TRPM8: variants seen among roughly 807,000 people sequenced by gnomAD.
TRPM8 encodes the protein TRPM8 cationic channel.
TRPM8 carries 110 observed loss-of-function variants against 133.7 expected under a neutral mutation model. The observed-to-expected ratio is 0.82, with a 90% confidence interval of 0.70 to 0.96. TRPM8 has a LOEUF of 0.96. Among genes scored for constraint, TRPM8 ranks in the 40% least tolerant of loss-of-function variants. The pLI is 0.00. For synonymous variants in TRPM8, 535 were observed against 532.3 expected (o/e 1.01, Z -0.07); for missense variants, 1,291 against 1,379.5 (o/e 0.94, Z 1.02).
At chr2:233,949,069 C>A (rs1322788767) in intron 8 of TRPM8, among the ~76,000 whole-genome samples, 1 of 152,090 alleles carries the variant, frequency 6.6e-6, no homozygotes, top group Non-Finnish European at 1.5e-5. Context: ...AGAAAATACC[C>A]AGTTGGTGCC....
At chr2:233,937,129 C>G (rs1690767773) in intron 3 of TRPM8, among the ~76,000 whole-genome samples, 1 of 152,104 alleles carries the variant, frequency 6.6e-6, no homozygotes, top group Non-Finnish European at 1.5e-5. Context: ...ATCCTGACCT[C>G]AAGTTATCCG....
intron 3 of TRPM8, chr2:233,933,693 A>T (rs1357038825): frequency 6.5e-6 from 1 of 153,076 alleles, no homozygotes; most frequent in East Asian, 1.9e-4. Context: ...AGGGCCCAAC[A>T]GTTTGTTTTC....
intron 17 of TRPM8, among the ~76,000 whole-genome samples, chr2:233,971,601 G>A (rs374679275): frequency 2.6e-5 from 4 of 152,228 alleles, no homozygotes; most frequent in African/African-American, 7.2e-5. Context: ...ATGAAGCCGC[G>A]GACCCTTGCG....
intron 14 of TRPM8, chr2:233,965,883 T>G (rs1204688738): frequency 6.6e-6 from 1 of 151,578 alleles, no homozygotes; most frequent in Non-Finnish European, 1.5e-5. Flanking sequence ...AGTTTCGCTC[T>G]TGTTGCCCAG....
At chr2:233,982,452 CCT>C (rs1430844302) in intron 19 of TRPM8, among the ~76,000 whole-genome samples, 4 of 152,004 alleles carry the variant, frequency 2.6e-5, no homozygotes, top group Non-Finnish European at 5.9e-5. Flanking sequence ...CCAAACCTCC[CCT>C]GTTTCTGTCT....
intron 1 of TRPM8, among the ~76,000 whole-genome samples, chr2:233,920,916 G>A (rs993395707): frequency 2.0e-5 from 3 of 150,142 alleles, no homozygotes; most frequent in South Asian, 2.1e-4. Flanking sequence ...GAGTGCAATG[G>A]TGTGATCTTG....
intron 1 of TRPM8, among the ~76,000 whole-genome samples, chr2:233,921,861 T>A (rs1047303611): frequency 6.6e-6 from 1 of 151,860 alleles, no homozygotes; most frequent in Admixed American, 6.6e-5. Flanking sequence ...TTAGTAGAGA[T>A]GGGATTTCGC....
intron 11 of TRPM8, among the ~76,000 whole-genome samples, chr2:233,959,175 G>A (rs906500156): frequency 4.6e-5 from 7 of 151,582 alleles, no homozygotes; most frequent in African/African-American, 9.7e-5. Flanking sequence ...ACAGGCGTGC[G>A]CCACCACGCC....
Position 233,937,336 on chromosome 2 carries a change from A to T in TRPM8, c.192-17A>T, listed in dbSNP as rs1690778071. The T allele has an allele frequency of 6.2e-6, 10 of 1,613,432 alleles. No homozygotes were observed. Among genetic ancestry groups the T allele is most frequent in the Non-Finnish European group, 8.5e-6 (10 of 1,179,812 alleles). On this transcript the variant is annotated splice_polypyrimidine_tract_variant and intron_variant, in intron 3 of 25. Transcript: ENST00000324695. ...AATGAAATCCTTCCTTCCTGTCCAC[A>T]CCATCGTGCTTATCAGGGAGAATGT...
chr2:233,965,440 A>G (rs1339163886), intron 14 of TRPM8, among the ~76,000 whole-genome samples: 2 of 152,198 alleles, frequency 1.3e-5, no homozygotes, highest in African/African-American at 2.4e-5. Flanking sequence ...TCAGTCCTCG[A>G]ACAAAGCTTG....
intron 24 of TRPM8, among the ~76,000 whole-genome samples, chr2:234,011,498 A>G (rs1385011561): frequency 6.6e-6 from 1 of 152,200 alleles, no homozygotes; most frequent in African/African-American, 2.4e-5. Context: ...CTTTAAAAAA[A>G]AAGCTCATGG....
chr2:233,939,373 C>T (rs1690847227), intron 5 of TRPM8, among the ~76,000 whole-genome samples, 198 bp downstream of exon 5: 2 of 152,226 alleles, frequency 1.3e-5, no homozygotes, highest in Admixed American at 6.5e-5. Context: ...GAGCTTCACA[C>T]AGTAACTCTA....
At chr2:233,932,758 T>G (rs950147849) in intron 3 of TRPM8, among the ~76,000 whole-genome samples, 2 of 151,856 alleles carry the variant, frequency 1.3e-5, no homozygotes, top group African/African-American at 4.8e-5. Context: ...GGATGCAGGA[T>G]TCTATAATCT....
intron 6 of TRPM8, 142 bp from the exon 7 acceptor site, chr2:233,945,714 A>T (rs1691024412): frequency 1.5e-6 from 1 of 646,196 alleles, no homozygotes; most frequent in Non-Finnish European, 2.6e-6. Flanking sequence ...GATCGCTAAG[A>T]CCCCTCTGGA....
At chr2:233,931,229 C>G (rs1390735200) in intron 3 of TRPM8, among the ~76,000 whole-genome samples, 1 of 152,216 alleles carries the variant, frequency 6.6e-6, no homozygotes, top group Non-Finnish European at 1.5e-5. Context: ...GCTTCACCAG[C>G]TCAGCCTACA....
chr2:233,996,857 A>C (rs1692417867), intron 22 of TRPM8, among the ~76,000 whole-genome samples: 1 of 152,208 alleles, frequency 6.6e-6, no homozygotes, highest in African/African-American at 2.4e-5. Flanking sequence ...TTCCCGTGAA[A>C]TTTATTCTCT....
Position 233,955,248 on chromosome 2 carries a change from G to C in TRPM8, c.1360G>C (p.Glu454Gln). The C allele has an allele frequency of 6.2e-7, 1 of 1,612,808 alleles. No homozygotes were observed. The highest frequency in any genetic ancestry group is 8.5e-7 in the Non-Finnish European group (1 of 1,178,856). ...DEIFTNDRRW[E>Q]SADLQEVMFT... Reference sequence around the variant, plus strand: ...GATTTTCACCAATGACCGCCGATGGGAGGTAAGCACGAAGCTCTCCTGGGT... The same window carrying C: ...GATTTTCACCAATGACCGCCGATGGCAGGTAAGCACGAAGCTCTCCTGGGT... The change falls in exon 11 of 26, where the codon GAG becomes CAG. Residue 454 changes from glutamate to glutamine, a missense_variant and splice_region_variant. Transcript: ENST00000324695.
At chr2:233,918,761 C>T (rs1424322537) in intron 1 of TRPM8, among the ~76,000 whole-genome samples, 1 of 152,188 alleles carries the variant, frequency 6.6e-6, no homozygotes, top group Non-Finnish European at 1.5e-5. Flanking sequence ...CATGGAGGCA[C>T]AGATGCCTAG....
chr2:233,988,851 AGGT>A (rs1308858935), intron 21 of TRPM8, among the ~76,000 whole-genome samples: 2 of 152,216 alleles, frequency 1.3e-5, no homozygotes, highest in Non-Finnish European at 2.9e-5. Context: ...GAGAAGCAGC[AGGT>A]TATGGGTGAT....
Sources: gnomAD v4.1 joint callset for allele counts (sites outside exome capture counted in the v4.1 genomes callset) on GRCh38, gnomAD v4.1.1 for gene constraint, MANE v1.5 for transcripts, NCBI Gene and HGNC (gene_info 2026-07-23, HGNC 2026-07-21) for gene names.